The following ORC5 variants were observed in gnomAD, a reference collection of about 807,000 sequenced individuals.
The protein encoded by ORC5 is origin recognition complex subunit 5.
In ORC5, 39 loss-of-function variants were observed where a neutral mutation model predicts 58.8. The ratio of observed to expected loss-of-function variants is 0.66; its 90% confidence interval spans 0.51 to 0.87. ORC5 has a LOEUF of 0.87. Ranked by LOEUF, ORC5 falls within the 40% of genes least tolerant of loss-of-function variation. The probability of loss-of-function intolerance (pLI) is 0.00; values close to 1 mark genes in which losing one functional copy is unlikely to be tolerated. For missense variants in ORC5, 493 were observed against 506.3 expected (o/e 0.97, Z 0.25); for synonymous variants, 218 against 177.6 (o/e 1.23, Z -1.81).
chr7:104,149,846 C>T lies in ORC5; in HGVS notation c.1149+11226G>A, dbSNP rs536330849. On this transcript the variant is annotated intron_variant, in intron 12 of 13. Transcript: ENST00000297431. The stretch of plus-strand genomic sequence containing the variant: ...TTCCTTTTCCTTTGACTAGGTCCTA[C>T]GTTATGACTGAGGAATTCACAAAGA... Among the ~76,000 whole-genome samples the T allele has an allele frequency of 6.6e-5, 10 of 152,234 alleles. 1 individual carries two copies. The highest frequency in any genetic ancestry group is 2.1e-4 in the South Asian group (1 of 4,826).
chr7:104,154,657 T>C (rs1053875069), intron 12 of ORC5, among the ~76,000 whole-genome samples: 2 of 151,856 alleles, frequency 1.3e-5, no homozygotes, highest in African/African-American at 4.8e-5. Flanking sequence ...TTAAATGAAA[T>C]TTTAAGCAGA....
chr7:104,132,734 T>TAA (rs1375813365), intron 13 of ORC5, among the ~76,000 whole-genome samples: 4 of 152,188 alleles, frequency 2.6e-5, no homozygotes, highest in Admixed American at 2.0e-4. Flanking sequence ...GCTTGTATTC[T>TAA]AGAAAGAAAG....
intron 12 of ORC5, among the ~76,000 whole-genome samples, chr7:104,151,350 T>C (rs75289337): frequency 0.044 from 6,730 of 152,212 alleles, 478 homozygotes; most frequent in African/African-American, 0.15. Context: ...AGGAAGCTAC[T>C]GATTTAAGGT....
intron 8 of ORC5, among the ~76,000 whole-genome samples, chr7:104,180,506 GT>G (rs1799411284): frequency 6.6e-6 from 1 of 152,040 alleles, no homozygotes; most frequent in South Asian, 2.1e-4. Context: ...CTGTGATCCT[GT>G]TTTGATCAGG....
intron 5 of ORC5, among the ~76,000 whole-genome samples, chr7:104,193,592 TACG>T (rs1379068780): frequency 3.3e-5 from 5 of 152,068 alleles, no homozygotes; most frequent in African/African-American, 1.2e-4. Context: ...TTCAAGTTAT[TACG>T]ACAAGGTAAC....
At position 104,129,115 on chromosome 7, in the gene ORC5, A is replaced by G. The variant is rs1212087206; in HGVS notation, c.1263-2222T>C. On this transcript the variant is annotated intron_variant, in intron 13 of 13. Transcript: ENST00000297431. This position sits in a 1 kb window ranked among gnomAD's most constrained non-coding sequence, Gnocchi z 4.9. ...AGTAAGTTGTGACGGCTGCAGAGAA[A>G]TGTTTGTCTAATGGACTAGTACTAG... Among the ~76,000 whole-genome samples the G allele has an allele frequency of 6.6e-6, 1 of 152,166 alleles. No individual in the cohort carries two copies. Among genetic ancestry groups the G allele is most frequent in the Non-Finnish European group, 1.5e-5 (1 of 68,024 alleles).
chr7:104,135,927 C>T (rs1325210981), intron 13 of ORC5, among the ~76,000 whole-genome samples: 1 of 152,178 alleles, frequency 6.6e-6, no homozygotes, highest in African/African-American at 2.4e-5. Flanking sequence ...ACACACTCAT[C>T]ACCTCTTCCA....
intron 8 of ORC5, among the ~76,000 whole-genome samples, chr7:104,183,724 A>C (rs1799482721): frequency 6.6e-6 from 1 of 152,158 alleles, no homozygotes; most frequent in Non-Finnish European, 1.5e-5. Flanking sequence ...ATCTCAAAAC[A>C]ATTATGTAAT....
intron 9 of ORC5, chr7:104,168,040 A>C (rs1799137288): frequency 6.3e-6 from 1 of 158,828 alleles, no homozygotes; most frequent in Non-Finnish European, 1.4e-5. Flanking sequence ...GATGAATCCA[A>C]AGTAGTAGTT....
intron 13 of ORC5, among the ~76,000 whole-genome samples, chr7:104,135,816 C>T (rs986860145): frequency 6.6e-6 from 1 of 152,040 alleles, no homozygotes; most frequent in Admixed American, 6.6e-5. Flanking sequence ...TATGTAAATA[C>T]TTTCATGACT....
chr7:104,194,960 A>G (rs865965525), intron 5 of ORC5, among the ~76,000 whole-genome samples, 183 bp downstream of exon 5: 5 of 149,604 alleles, frequency 3.3e-5, no homozygotes, highest in African/African-American at 1.3e-4. Flanking sequence ...TTGAATGGCA[A>G]TAATACTTTG....
chr7:104,204,503 A>G (rs554958001), intron 1 of ORC5, among the ~76,000 whole-genome samples: 1 of 152,326 alleles, frequency 6.6e-6, no homozygotes, highest in South Asian at 2.1e-4. Context: ...ACAGGTTTAC[A>G]TATACAAACT....
chr7:104,154,809 A>C (rs1472001366), intron 12 of ORC5, among the ~76,000 whole-genome samples: 1 of 151,912 alleles, frequency 6.6e-6, no homozygotes, highest in Non-Finnish European at 1.5e-5. Flanking sequence ...TAGAAAACTG[A>C]AAACTATATA....
rs1161378418 is a variant in ORC5 at position 104,166,819 on chromosome 7, G to C, written c.943C>G (p.Leu315Val). ...GTTCTTGCTGGATTGTATGAAGCAA[G>C]GTATGCAGCAATTAGAATGAACTTA... Reference protein sequence around the residue: ...YSKFILIAAYLASYNPARTDK... With the variant: ...YSKFILIAAYVASYNPARTDK... The change falls in exon 10 of 14, where the codon CTT becomes GTT. Residue 315 changes from leucine (L) to valine (V), a missense_variant. Physicochemically the swap from Leu to Val is conservative, Grantham distance 32. This residue lies in a region of ORC5 where 412 missense variants were observed against 403.7 expected (regional missense o/e 1.02). Transcript: ENST00000297431. 8 of 1,612,428 alleles carry C rather than the reference G, an allele frequency of 5.0e-6. No individual in the cohort carries two copies. The African/African-American group carries it at 6.7e-5, about 13-fold the overall frequency.
chr7:104,195,377 C>T, intron 4 of ORC5, 123 bp from the exon 5 acceptor site: 1 of 538,968 alleles, frequency 1.9e-6, no homozygotes, highest in Non-Finnish European at 3.2e-6. Flanking sequence ...AAATTATTTG[C>T]ATATTAATAA....
intron 5 of ORC5, among the ~76,000 whole-genome samples, chr7:104,190,893 T>G (rs1263697923): frequency 1.3e-5 from 2 of 151,948 alleles, no homozygotes; most frequent in Admixed American, 6.6e-5. Context: ...TTTTAACCAC[T>G]CTTGTGCCTG....
intron 8 of ORC5, among the ~76,000 whole-genome samples, chr7:104,183,228 ATTAAC>A (rs59195306): frequency 0.044 from 6,767 of 152,182 alleles, 491 homozygotes; most frequent in African/African-American, 0.15. Flanking sequence ...AACACACAAA[ATTAAC>A]TTAACAACGG....
At chr7:104,158,920 C>T (rs1332453670) in intron 12 of ORC5, among the ~76,000 whole-genome samples, 9 of 145,938 alleles carry the variant, frequency 6.2e-5, no homozygotes, top group Admixed American at 2.0e-4. Flanking sequence ...GTCAGTGCGG[C>T]GATTCCTCAG....
chr7:104,192,725 C>G (rs1290309583), intron 5 of ORC5, among the ~76,000 whole-genome samples: 1 of 151,720 alleles, frequency 6.6e-6, no homozygotes, highest in Non-Finnish European at 1.5e-5. Context: ...AAAGAGGTAA[C>G]TGAATTAGTA....
Sources: gnomAD v4.1 joint callset for allele counts (sites outside exome capture counted in the v4.1 genomes callset) on GRCh38, gnomAD v4.1.1 for gene constraint, gnomAD v4.1.1 regional missense constraint, Gnocchi (gnomAD v3.1) non-coding constraint, MANE v1.5 for transcripts, NCBI Gene and HGNC (gene_info 2026-07-23, HGNC 2026-07-21) for gene names.